The following MYT1L variants were observed in gnomAD, a reference collection of about 807,000 sequenced individuals.
MYT1L encodes the protein myelin transcription factor 1 like, also known as myelin transcription factor 1-like protein.
A neutral mutation model predicts 126.7 loss-of-function variants in MYT1L; 12 were observed. The ratio of observed to expected loss-of-function variants is 0.09; its 90% CI spans 0.06 to 0.15. The LOEUF (loss-of-function observed/expected upper bound fraction) is 0.15. Among genes scored for constraint, MYT1L ranks in the 10% least tolerant of loss-of-function variants. MYT1L has a pLI of 1.00. For missense variants in MYT1L, 979 were observed against 1,585.2 expected (o/e 0.62, Z 6.49); for synonymous variants, 541 against 604.2 (o/e 0.90, Z 1.53).
rs989371115 is a variant in MYT1L at position 1,894,611 on chromosome 2, C to T, written c.2033-2324G>A. On this transcript the variant is annotated intron_variant, in intron 14 of 24. Coordinates refer to ENST00000647738, the MANE Select transcript of MYT1L (RefSeq NM_001303052.2). ...TTAGGAAAAAAAAAAACATTGCCCA[C>T]ATAAATTAAAAAAAATAACACTTTT... 2.4e-5 allele frequency among the ~76,000 whole-genome samples: 3 copies of T among 122,582 alleles called. No individual in the cohort carries two copies. In the East Asian group the frequency reaches 7.0e-4, roughly 29 times the overall value. The allele number at this position is 122,582 out of a possible 152,430, so 80.4% of individuals were successfully genotyped here. A position where few individuals can be genotyped will look rare whatever the true frequency, so the allele number is the denominator to read the frequency against.
At chr2:2,314,949 G>A (rs1573496595) in intron 1 of MYT1L, among the ~76,000 whole-genome samples, 1 of 152,134 alleles carries the variant, frequency 6.6e-6, no homozygotes, top group Admixed American at 6.6e-5. Flanking sequence ...CTTAGTAAAT[G>A]GTGCTAGGAA....
At chr2:2,304,962 C>T (rs897187214) in intron 1 of MYT1L, among the ~76,000 whole-genome samples, 1 of 152,126 alleles carries the variant, frequency 6.6e-6, no homozygotes, top group Non-Finnish European at 1.5e-5. Context: ...TTTCAGTGTA[C>T]AATACATACT....
intron 1 of MYT1L, among the ~76,000 whole-genome samples, chr2:2,307,329 G>A (rs918784490): frequency 2.0e-5 from 3 of 152,156 alleles, no homozygotes; most frequent in African/African-American, 7.2e-5. Context: ...ATTTATAAGA[G>A]TGTGGGTGAT....
chr2:2,111,855 C>T (rs1251156198), intron 3 of MYT1L, among the ~76,000 whole-genome samples: 1 of 152,228 alleles, frequency 6.6e-6, no homozygotes, highest in African/African-American at 2.4e-5. Context: ...TGGCCTGTGC[C>T]CTGTCTCCTC....
intron 3 of MYT1L, among the ~76,000 whole-genome samples, chr2:2,163,738 A>G (rs1214796453): frequency 6.7e-6 from 1 of 148,502 alleles, no homozygotes; most frequent in Non-Finnish European, 1.5e-5. Flanking sequence ...ACTCCGTCTC[A>G]GAAAAAAAAA....
intron 5 of MYT1L, among the ~76,000 whole-genome samples, chr2:1,982,646 G>A (rs35520336): frequency 0.027 from 4,078 of 152,296 alleles, 74 homozygotes; most frequent in Non-Finnish European, 0.042. Context: ...CAAAGGCTTG[G>A]AGAGACAGGT....
chr2:2,296,134 C>T (rs1000997191), intron 1 of MYT1L, among the ~76,000 whole-genome samples: 1 of 152,136 alleles, frequency 6.6e-6, no homozygotes, highest in African/African-American at 2.4e-5. Flanking sequence ...CAAGCCAGAG[C>T]CAGTCAAAAG....
At chr2:2,012,462 C>T (rs1046806535) in intron 4 of MYT1L, among the ~76,000 whole-genome samples, 10 of 152,006 alleles carry the variant, frequency 6.6e-5, no homozygotes, top group African/African-American at 2.4e-4. Context: ...GGGCCAGAGT[C>T]GGGGAATGTG....
rs5828876 is a variant in MYT1L at position 1,912,722 on chromosome 2, G to GT, written c.1619-613dup. ...AATAGGATGAGCTAGAAGAGTAAGC[G>GT]TCTGCGTTTTTACCCTGTGAAATTA... On this transcript the variant is annotated intron_variant, in intron 11 of 24. Transcript: ENST00000647738. The surrounding 1 kb of genome is among the most constrained non-coding windows in gnomAD (Gnocchi z 4.3). 0.057 allele frequency among the ~76,000 whole-genome samples: 8,662 copies of GT among 152,100 alleles called. 274 individuals carry two copies. Among genetic ancestry groups the GT allele is most frequent in the Non-Finnish European group, 0.069 (4,707 of 68,010 alleles).
chr2:2,278,192 T>C (rs2095394717), intron 2 of MYT1L, among the ~76,000 whole-genome samples: 1 of 152,238 alleles, frequency 6.6e-6, no homozygotes. Flanking sequence ...ATGTGTTGTG[T>C]ATATGTAACG....
chr2:2,239,674 G>T (rs575359443), intron 2 of MYT1L, among the ~76,000 whole-genome samples: 26 of 152,300 alleles, frequency 1.7e-4, no homozygotes, highest in Admixed American at 1.2e-3. Context: ...ACTGCTGATA[G>T]ATTCCAAAAA....
At chr2:2,109,055 T>A (rs1051745403) in intron 3 of MYT1L, among the ~76,000 whole-genome samples, 8 of 152,188 alleles carry the variant, frequency 5.3e-5, no homozygotes, top group African/African-American at 1.9e-4. Flanking sequence ...CATTAGCCAA[T>A]CCTTAGTTGC....
At chr2:2,060,900 A>G (rs1336929766) in intron 3 of MYT1L, among the ~76,000 whole-genome samples, 1 of 150,830 alleles carries the variant, frequency 6.6e-6, no homozygotes, top group Non-Finnish European at 1.5e-5. Flanking sequence ...TTGCCAAATA[A>G]TGAGGTAGAA....
At chr2:1,839,475 A>C (rs2041361306) in intron 20 of MYT1L, 105 bp from the exon 21 acceptor site, 10 of 1,003,046 alleles carry the variant, frequency 1.0e-5, no homozygotes, top group South Asian at 1.6e-5. Context: ...AAAAACAACC[A>C]TGCCCTCCTG....
At chr2:2,031,974 G>A (rs1412297111) in intron 4 of MYT1L, among the ~76,000 whole-genome samples, 7 of 128,968 alleles carry the variant, frequency 5.4e-5, no homozygotes, top group Non-Finnish European at 1.1e-4. Flanking sequence ...TACACCCCTC[G>A]CCAATGTCTC....
chr2:2,304,455 TAGTCCACACCAA>T (rs1456689976), intron 1 of MYT1L, among the ~76,000 whole-genome samples: 1 of 152,226 alleles, frequency 6.6e-6, no homozygotes, highest in Non-Finnish European at 1.5e-5. Flanking sequence ...CCTCTCTCTA[TAGTCCACACCAA>T]GTGTCTTGTC....
chr2:2,204,348 T>C (rs1182138507), intron 2 of MYT1L, among the ~76,000 whole-genome samples: 2 of 151,498 alleles, frequency 1.3e-5, no homozygotes, highest in Non-Finnish European at 2.9e-5. Flanking sequence ...GAGAAAATTT[T>C]TGCAACCTAC....
chr2:2,209,023 CA>C (rs2093411781), intron 2 of MYT1L, among the ~76,000 whole-genome samples: 2 of 151,910 alleles, frequency 1.3e-5, no homozygotes, highest in Non-Finnish European at 2.9e-5. Context: ...CACACACACA[CA>C]CCCCAAATAG....
intron 1 of MYT1L, among the ~76,000 whole-genome samples, chr2:2,318,045 G>A (rs1055155387): frequency 3.9e-5 from 6 of 152,132 alleles, no homozygotes; most frequent in African/African-American, 1.2e-4. Flanking sequence ...GATAGAGGCC[G>A]TTTTTGCAAT....
Sources: gnomAD v4.1 joint callset for allele counts (sites outside exome capture counted in the v4.1 genomes callset) on GRCh38, gnomAD v4.1.1 for gene constraint, Gnocchi (gnomAD v3.1) non-coding constraint, MANE v1.5 for transcripts, NCBI Gene and HGNC (gene_info 2026-07-23, HGNC 2026-07-21) for gene names.